The following KANSL1 variants were observed in gnomAD, a reference collection of about 807,000 sequenced individuals.
KANSL1 encodes KAT8 regulatory NSL complex subunit 1, also known as MLL1/MLL complex subunit KANSL1.
In KANSL1, 22 loss-of-function variants were observed where a neutral mutation model predicts 103.6. The ratio of observed to expected loss-of-function variants is 0.21; its 90% confidence interval spans 0.15 to 0.30. The LOEUF is 0.30. KANSL1 is among the 10% of genes least tolerant of loss of function. The pLI is 1.00. For synonymous variants in KANSL1, 600 were observed against 527.6 expected (o/e 1.14, Z -1.88); for missense variants, 1,337 against 1,399.8 (o/e 0.96, Z 0.72).
Position 46,039,011 on chromosome 17 carries a change from A to G in KANSL1, c.2392+16T>C. On this transcript the variant is annotated intron_variant, in intron 9 of 14. Coordinates refer to ENST00000432791, the MANE Select transcript of KANSL1 (RefSeq NM_015443.4). ...AGGTGCAGTTGCAGGTAGAGGTGCCATGGGCCTGGCCCTACCTTCACTTCT... is the reference window on the plus strand; with the variant it reads ...AGGTGCAGTTGCAGGTAGAGGTGCCGTGGGCCTGGCCCTACCTTCACTTCT... The G allele has an allele frequency of 6.2e-7, 1 of 1,601,520 alleles. No homozygotes were observed. The highest frequency in any genetic ancestry group is 8.5e-7 in the Non-Finnish European group (1 of 1,177,216).
In KANSL1 at chr17:46,171,665, T is replaced by A; in HGVS notation, c.479A>T (p.Lys160Ile). 1.9e-6 allele frequency: 3 copies of A among 1,552,392 alleles called. No individual in the cohort carries two copies. Among genetic ancestry groups the A allele is most frequent in the Non-Finnish European group, 1.7e-6 (2 of 1,153,792 alleles). ...AGAATGTGTTGAACTTTTAGTCAAT[T>A]TCTTAGCCAACCCATTTACAGGTGC... ...PQAPVNGLAKKLTKSSTHSDH... is the reference protein window; with the variant it reads ...PQAPVNGLAKILTKSSTHSDH... The change falls in exon 2 of 15, where the codon AAA becomes ATA. Residue 160 changes from lysine (K) to isoleucine (I), a missense_variant. Physicochemically the swap from Lys to Ile is moderately radical, Grantham distance 102. Coordinates refer to ENST00000432791, the MANE Select transcript of KANSL1 (RefSeq NM_015443.4).
chr17:46,105,947 A>ACCCCC (rs67725690), intron 2 of KANSL1, among the ~76,000 whole-genome samples: 2 of 57,862 alleles, frequency 3.5e-5, no homozygotes, highest in East Asian at 2.8e-4. Flanking sequence ...ACACACACAC[A>ACCCCC]CCCCCCCAGA....
At chr17:46,109,859 T>C (rs922383809) in intron 2 of KANSL1, among the ~76,000 whole-genome samples, 2 of 152,236 alleles carry the variant, frequency 1.3e-5, no homozygotes, top group Middle Eastern at 3.2e-3. Context: ...GAAAAACGTA[T>C]ACTCCTTAAA....
chr17:46,183,732 C>G (rs889867270), intron 1 of KANSL1, among the ~76,000 whole-genome samples: 3 of 152,102 alleles, frequency 2.0e-5, no homozygotes, highest in African/African-American at 7.2e-5. Context: ...AGGAAGATCA[C>G]TTGAGGTCAG....
chr17:46,054,748 G>A (rs2077855580), intron 6 of KANSL1, among the ~76,000 whole-genome samples: 3 of 152,108 alleles, frequency 2.0e-5, no homozygotes, highest in African/African-American at 7.2e-5. Context: ...CAAGATAGCA[G>A]GCAACCTTCC....
intron 1 of KANSL1, among the ~76,000 whole-genome samples, chr17:46,215,395 C>T (rs1212149316): frequency 6.6e-6 from 1 of 152,146 alleles, no homozygotes; most frequent in Non-Finnish European, 1.5e-5. Flanking sequence ...CTAGTTGAGC[C>T]ATGGTGGAAG....
chr17:46,067,491 G>T, intron 5 of KANSL1, 58 bp downstream of exon 5: 1 of 1,039,668 alleles, frequency 9.6e-7, no homozygotes, highest in Non-Finnish European at 1.5e-6. Flanking sequence ...AGAACTAAGA[G>T]CTCCAAAACA....
chr17:46,037,613 G>C (rs2077188285), intron 10 of KANSL1: 1 of 152,190 alleles, frequency 6.6e-6, no homozygotes, highest in African/African-American at 2.4e-5. Context: ...AAGTTGCCTT[G>C]ACAGTTTTCA....
intron 2 of KANSL1, chr17:46,152,925 A>C (rs187222023): frequency 1.3e-5 from 2 of 152,376 alleles, no homozygotes; most frequent in East Asian, 1.9e-4. Flanking sequence ...AACTCATTCC[A>C]TCTATCCCTT....
At chr17:46,154,713 T>C (rs879368596) in intron 2 of KANSL1, among the ~76,000 whole-genome samples, 2 of 152,248 alleles carry the variant, frequency 1.3e-5, no homozygotes, top group African/African-American at 4.8e-5. Context: ...AAGGATATTG[T>C]ATGCTTTTCT....
rs771481251 is a variant in KANSL1 at position 46,171,602 on chromosome 17, C to T, written c.542G>A (p.Arg181Gln). Reference sequence around the variant, plus strand: ...ATGAAGAGCAGATGAAGTGAGAGCCCGTTTTCCCCCATTGAGGGAAGTGGA... The same window carrying T: ...ATGAAGAGCAGATGAAGTGAGAGCCTGTTTTCCCCCATTGAGGGAAGTGGA... ...DNSTSLNGGK[R>Q]ALTSSALHGG... The change falls in exon 2 of 15, where the codon CGG (arginine) becomes CAG (glutamine). Residue 181 changes from arginine (R) to glutamine (Q), a missense_variant. Coordinates refer to ENST00000432791, the MANE Select transcript of KANSL1 (RefSeq NM_015443.4). 20 of 1,583,290 alleles carry T rather than the reference C, an allele frequency of 1.3e-5. No homozygotes were observed. The highest frequency in any genetic ancestry group is 1.5e-5 in the Non-Finnish European group (18 of 1,167,926).
At position 46,038,710 on chromosome 17, in the gene KANSL1, A is replaced by G. The variant is rs775683727; in HGVS notation, c.2393-24T>C. On this transcript the variant is annotated intron_variant, in intron 9 of 14. Transcript: ENST00000432791. ...CACTGCAGAAGTCAACAGAAAAGAG[A>G]GAAATACATGGCTATCTTAACCAGC... The G allele has an allele frequency of 4.8e-5, 78 of 1,613,644 alleles. 1 individual carries two copies. The highest frequency in any genetic ancestry group is 2.5e-6 in the Non-Finnish European group (3 of 1,179,814).
intron 2 of KANSL1, 56 bp from the exon 3 acceptor site, chr17:46,094,757 T>C (rs952231181): frequency 2.0e-5 from 32 of 1,602,322 alleles, no homozygotes; most frequent in East Asian, 2.2e-5. Context: ...CTATACCAGA[T>C]TGGGGGGTGG....
At chr17:46,059,628 CA>C (rs146430605) in intron 6 of KANSL1, among the ~76,000 whole-genome samples, 860 of 74,342 alleles carry the variant, frequency 0.012, 17 homozygotes, top group African/African-American at 0.045. Flanking sequence ...GCTCTGACTC[CA>C]AAAAAAAAAA....
intron 1 of KANSL1, among the ~76,000 whole-genome samples, chr17:46,185,684 CACATATAT>C (rs1367371562): frequency 2.8e-5 from 2 of 71,838 alleles, no homozygotes; most frequent in African/African-American, 4.6e-5. Context: ...TATATACACA[CACATATAT>C]ACACACACAC....
chr17:46,164,582 G>A (rs944491896), intron 2 of KANSL1, among the ~76,000 whole-genome samples: 4 of 152,238 alleles, frequency 2.6e-5, no homozygotes, highest in Admixed American at 1.3e-4. Flanking sequence ...AATGGACTAT[G>A]AAAAGTAAAT....
intron 3 of KANSL1, among the ~76,000 whole-genome samples, chr17:46,086,430 T>C (rs2079167323): frequency 6.6e-6 from 1 of 152,218 alleles, no homozygotes; most frequent in Non-Finnish European, 1.5e-5. Flanking sequence ...ATTCCTCTTT[T>C]GTTCAGTTAA....
chr17:46,205,053 C>G (rs2047919156), intron 1 of KANSL1, among the ~76,000 whole-genome samples: 1 of 152,036 alleles, frequency 6.6e-6, no homozygotes, highest in African/African-American at 2.4e-5. Flanking sequence ...AGGTCAAGAA[C>G]AAAACAAGGA....
At chr17:46,066,078 C>T (rs1424773210) in intron 6 of KANSL1, among the ~76,000 whole-genome samples, 1 of 152,110 alleles carries the variant, frequency 6.6e-6, no homozygotes, top group Non-Finnish European at 1.5e-5. Flanking sequence ...GGCTGGTATT[C>T]AATTCCTAGG....
Sources: gnomAD v4.1 joint callset for allele counts (sites outside exome capture counted in the v4.1 genomes callset) on GRCh38, gnomAD v4.1.1 for gene constraint, MANE v1.5 for transcripts, NCBI Gene and HGNC (gene_info 2026-07-23, HGNC 2026-07-21) for gene names.